SPPL3: variants seen among roughly 807,000 people sequenced by gnomAD.
SPPL3 encodes the protein signal peptide peptidase-like 3.
SPPL3 carries 5 observed loss-of-function variants against 42.4 expected under a neutral mutation model. The ratio of observed to expected loss-of-function variants is 0.12; its 90% CI spans 0.06 to 0.25. The LOEUF (loss-of-function observed/expected upper bound fraction) is 0.25. Among genes scored for constraint, SPPL3 ranks in the 10% least tolerant of loss-of-function variants. The probability of loss-of-function intolerance (pLI) is 1.00; values close to 1 mark genes in which losing one functional copy is unlikely to be tolerated. For synonymous variants in SPPL3, 195 were observed against 181.8 expected (o/e 1.07, Z -0.58); for missense variants, 235 against 489.0 (o/e 0.48, Z 4.90).
At chr12:120,896,259 G>GA in intron 1 of SPPL3, among the ~76,000 whole-genome samples, 1 of 152,134 alleles carries the variant, frequency 6.6e-6, no homozygotes, top group Non-Finnish European at 1.5e-5. Flanking sequence ...CCACAACAAT[G>GA]AGGTGGAGCT....
At chr12:120,847,572 G>C (rs1317963264) in intron 1 of SPPL3, among the ~76,000 whole-genome samples, 1 of 152,068 alleles carries the variant, frequency 6.6e-6, no homozygotes, top group Non-Finnish European at 1.5e-5. Context: ...GGGATTACAG[G>C]CGTGAGTCAC....
intron 6 of SPPL3, among the ~76,000 whole-genome samples, chr12:120,779,277 A>G (rs1869440295): frequency 6.6e-6 from 1 of 152,198 alleles, no homozygotes; most frequent in African/African-American, 2.4e-5. Context: ...GACAATGATG[A>G]ACATCAACCC....
At chr12:120,880,711 C>T (rs1187022657) in intron 1 of SPPL3, among the ~76,000 whole-genome samples, 2 of 150,998 alleles carry the variant, frequency 1.3e-5, no homozygotes, top group African/African-American at 2.4e-5. Context: ...CGCTTGAACC[C>T]GGAAGGCAGA....
chr12:120,890,105 G>A (rs1239986257), intron 1 of SPPL3, among the ~76,000 whole-genome samples: 1 of 152,056 alleles, frequency 6.6e-6, no homozygotes, highest in African/African-American at 2.4e-5. Flanking sequence ...AAAATTAGCT[G>A]GACGTGGTGG....
At chr12:120,812,107 A>G (rs1244499216) in intron 1 of SPPL3, among the ~76,000 whole-genome samples, 8 of 15,472 alleles carry the variant, frequency 5.2e-4, no homozygotes, top group South Asian at 4.3e-3. Flanking sequence ...CATTTAGTGG[A>G]AAAAAAAAAA....
In SPPL3 at chr12:120,880,029, A is replaced by G. The variant is rs1274219505; in HGVS notation, c.23+23816T>C. ...TTCCTCGGTTTAACAATCCTACTTGATTTTCTTTTAATTTTAACTGTTAGT... is the reference window on the plus strand; with the variant it reads ...TTCCTCGGTTTAACAATCCTACTTGGTTTTCTTTTAATTTTAACTGTTAGT... On this transcript the variant is annotated intron_variant, in intron 1 of 10. Coordinates refer to ENST00000353487, the MANE Select transcript of SPPL3 (RefSeq NM_139015.5). Among the ~76,000 whole-genome samples the G allele has an allele frequency of 4.2e-5, 6 of 143,838 alleles. No individual in the cohort carries two copies. In the Admixed American group the frequency reaches 4.2e-4, roughly 10 times the overall value. 94.4% of individuals were successfully genotyped at this position (143,838 alleles called of 152,430 possible). A position where few individuals can be genotyped will look rare whatever the true frequency, so the allele number is the denominator to read the frequency against.
intron 1 of SPPL3, chr12:120,845,242 C>T (rs1340872365): frequency 7.4e-6 from 3 of 406,886 alleles, no homozygotes; most frequent in Non-Finnish European, 9.9e-6. Flanking sequence ...GTCTGTGGTC[C>T]CTGCTGCATT....
intron 1 of SPPL3, among the ~76,000 whole-genome samples, chr12:120,827,740 A>C (rs1214896257): frequency 2.6e-5 from 4 of 152,090 alleles, no homozygotes; most frequent in Non-Finnish European, 5.9e-5. Flanking sequence ...CTAATGGTAA[A>C]CACCACACAT....
At chr12:120,821,243 G>T (rs1017357481) in intron 1 of SPPL3, among the ~76,000 whole-genome samples, 2 of 152,216 alleles carry the variant, frequency 1.3e-5, no homozygotes, top group Admixed American at 6.5e-5. Flanking sequence ...CCACATTAAA[G>T]GCTTCGATGG....
chr12:120,766,235 T>C, intron 10 of SPPL3, 28 bp downstream of exon 10: 1 of 1,532,818 alleles, frequency 6.5e-7, no homozygotes, highest in Non-Finnish European at 8.8e-7. Flanking sequence ...AGTTATTGCT[T>C]TCACAGGTTT....
intron 6 of SPPL3, among the ~76,000 whole-genome samples, chr12:120,770,426 C>T (rs1869073329): frequency 6.6e-6 from 1 of 152,076 alleles, no homozygotes; most frequent in Non-Finnish European, 1.5e-5. Flanking sequence ...CCATATATTT[C>T]CCATAAATTA....
intron 1 of SPPL3, among the ~76,000 whole-genome samples, chr12:120,876,808 T>C (rs921525838): frequency 2.0e-4 from 30 of 146,684 alleles, no homozygotes; most frequent in African/African-American, 7.0e-4. Flanking sequence ...GAGAAACACA[T>C]ACACACACAC....
intron 1 of SPPL3, among the ~76,000 whole-genome samples, chr12:120,854,938 A>G (rs1259958826): frequency 2.0e-5 from 3 of 152,314 alleles, no homozygotes; most frequent in Non-Finnish European, 4.4e-5. Flanking sequence ...GGACCAAAGA[A>G]CACGCCAGGA....
intron 2 of SPPL3, among the ~76,000 whole-genome samples, chr12:120,808,274 C>G (rs1870571106): frequency 6.6e-6 from 1 of 151,926 alleles, no homozygotes; most frequent in African/African-American, 2.4e-5. Context: ...TGGGGTTTCA[C>G]CATGTTGTCC....
intron 2 of SPPL3, among the ~76,000 whole-genome samples, chr12:120,795,190 T>A (rs1870057630): frequency 6.6e-6 from 1 of 152,196 alleles, no homozygotes; most frequent in South Asian, 2.1e-4. Flanking sequence ...CAATCAATCC[T>A]TCTGCTTCAA....
At position 120,843,034 on chromosome 12, in the gene SPPL3, C is replaced by CTAGTAGACTCAG. The variant is rs1214685983; in HGVS notation, c.24-32160_24-32149dup. ...AAATGTATTAAATTACAGCCTCAAA[C>CTAGTAGACTCAG]TAGTAGACTCAGTTAGTTAGTATAT... is the stretch of plus-strand genomic sequence containing the variant. On this transcript the variant is annotated intron_variant, in intron 1 of 10. Transcript: ENST00000353487. 7.9e-5 allele frequency among the ~76,000 whole-genome samples: 12 copies of CTAGTAGACTCAG among 152,234 alleles called. 1 individual carries two copies. Among genetic ancestry groups the CTAGTAGACTCAG allele is most frequent in the African/African-American group, 2.6e-4 (11 of 41,536 alleles).
chr12:120,893,203 C>T (rs968778513), intron 1 of SPPL3, among the ~76,000 whole-genome samples: 13 of 151,906 alleles, frequency 8.6e-5, no homozygotes, highest in African/African-American at 2.9e-4. Flanking sequence ...GTAATCCCAG[C>T]ACTTTGGGAG....
intron 1 of SPPL3, among the ~76,000 whole-genome samples, chr12:120,854,056 A>C (rs1872368126): frequency 1.4e-5 from 2 of 147,732 alleles, no homozygotes; most frequent in Admixed American, 6.9e-5. Context: ...GGAGAAGAAA[A>C]CCCCACAGTG....
At chr12:120,849,525 GAGA>G (rs1183739856) in intron 1 of SPPL3, among the ~76,000 whole-genome samples, 3 of 152,188 alleles carry the variant, frequency 2.0e-5, no homozygotes, top group Admixed American at 1.3e-4. Context: ...TAGACATGTT[GAGA>G]AGATTTCCTT....
Sources: allele counts gnomAD v4.1 joint callset (sites outside exome capture counted in the v4.1 genomes callset), GRCh38; gene constraint gnomAD v4.1.1; transcripts MANE v1.5; gene names NCBI Gene and HGNC (gene_info 2026-07-23, HGNC 2026-07-21).